Variants in TBC1D22A observed in about 807,000 individuals in gnomAD.
TBC1D22A encodes the protein TBC1 domain family member 22A, also known as putative GTPase activator.
A neutral mutation model predicts 60.2 loss-of-function variants in TBC1D22A; 38 were observed. The ratio of observed to expected loss-of-function variants is 0.63; its 90% CI spans 0.49 to 0.83. TBC1D22A has a LOEUF of 0.83. Among genes scored for constraint, TBC1D22A ranks in the 40% least tolerant of loss-of-function variants. The probability of loss-of-function intolerance (pLI) is 0.00; values close to 1 mark genes in which losing one functional copy is unlikely to be tolerated. For synonymous variants in TBC1D22A, 302 were observed against 281.7 expected (o/e 1.07, Z -0.72); for missense variants, 628 against 701.0 (o/e 0.90, Z 1.18).
chr22:46,934,490 G>A (rs761523733), intron 8 of TBC1D22A, among the ~76,000 whole-genome samples: 1 of 152,210 alleles, frequency 6.6e-6, no homozygotes, highest in Non-Finnish European at 1.5e-5. Context: ...TCAGCAAATT[G>A]CAGCTCCTTT....
At chr22:46,986,274 C>T (rs949090579) in intron 9 of TBC1D22A, among the ~76,000 whole-genome samples, 2 of 152,166 alleles carry the variant, frequency 1.3e-5, no homozygotes, top group South Asian at 4.2e-4. Context: ...TAATCCAGTT[C>T]ACACTGTCTT....
intron 4 of TBC1D22A, among the ~76,000 whole-genome samples, chr22:46,826,917 C>T (rs970975365): frequency 2.6e-5 from 4 of 151,342 alleles, no homozygotes; most frequent in Admixed American, 1.3e-4. Context: ...AATGAATACA[C>T]GAAAACGTAA....
chr22:46,974,674 A>AG (rs1305689475), intron 9 of TBC1D22A, among the ~76,000 whole-genome samples: 1 of 152,184 alleles, frequency 6.6e-6, no homozygotes, highest in Non-Finnish European at 1.5e-5. Flanking sequence ...TGCAGACTGT[A>AG]GCCACCACCA....
intron 11 of TBC1D22A, among the ~76,000 whole-genome samples, chr22:47,101,333 G>A (rs1372354200): frequency 6.6e-6 from 1 of 152,210 alleles, no homozygotes; most frequent in Non-Finnish European, 1.5e-5. Flanking sequence ...CAGAGAAGAA[G>A]CAGGGACAGG....
At chr22:47,132,600 T>C (rs1186503806) in intron 12 of TBC1D22A, among the ~76,000 whole-genome samples, 1 of 152,240 alleles carries the variant, frequency 6.6e-6, no homozygotes, top group Non-Finnish European at 1.5e-5. Flanking sequence ...GCCTGGGTCC[T>C]GCTTCTCCCC....
At chr22:47,019,689 A>C (rs1165984825) in intron 10 of TBC1D22A, among the ~76,000 whole-genome samples, 1 of 151,936 alleles carries the variant, frequency 6.6e-6, no homozygotes, top group Non-Finnish European at 1.5e-5. Context: ...TGTGCAGGGA[A>C]GGACGTGGTT....
chr22:46,829,659 C>G (rs1038960063), intron 4 of TBC1D22A, among the ~76,000 whole-genome samples: 7 of 152,242 alleles, frequency 4.6e-5, no homozygotes, highest in Non-Finnish European at 1.0e-4. Flanking sequence ...GCCTGTTTGC[C>G]CAAGGTAGGG....
chr22:47,088,972 G>C (rs1035427171), intron 11 of TBC1D22A, among the ~76,000 whole-genome samples: 2 of 152,148 alleles, frequency 1.3e-5, no homozygotes, highest in Non-Finnish European at 2.9e-5. Flanking sequence ...AGGGGGAAAC[G>C]GATGGAACTC....
intron 4 of TBC1D22A, among the ~76,000 whole-genome samples, chr22:46,873,243 C>T (rs1350222339): frequency 2.0e-5 from 3 of 152,158 alleles, no homozygotes; most frequent in Non-Finnish European, 4.4e-5. Flanking sequence ...TTTCAACATA[C>T]ACCTCACAAA....
chr22:47,104,530 A>T (rs1327798391), intron 11 of TBC1D22A, among the ~76,000 whole-genome samples: 1 of 151,952 alleles, frequency 6.6e-6, no homozygotes, highest in Non-Finnish European at 1.5e-5. Flanking sequence ...CCCCATCTCT[A>T]CTGAAAATAC....
At chr22:47,034,597 C>T (rs563175171) in intron 10 of TBC1D22A, among the ~76,000 whole-genome samples, 104 of 152,352 alleles carry the variant, frequency 6.8e-4, no homozygotes, top group African/African-American at 2.3e-3. Flanking sequence ...GCCCTGCAAG[C>T]GGGCCCCTGC....
chr22:46,917,817 T>C (rs2070479176), intron 8 of TBC1D22A, among the ~76,000 whole-genome samples: 1 of 152,232 alleles, frequency 6.6e-6, no homozygotes, highest in African/African-American at 2.4e-5. Context: ...GCTGTGACTG[T>C]CTGTGACTCG....
At chr22:46,858,429 T>G (rs1021307918) in intron 4 of TBC1D22A, among the ~76,000 whole-genome samples, 1 of 150,744 alleles carries the variant, frequency 6.6e-6, no homozygotes. Flanking sequence ...CAAGCCGCCC[T>G]GTGCCGGCAG....
At chr22:46,919,614 CTTTCCCACG>C (rs1410177534) in intron 8 of TBC1D22A, among the ~76,000 whole-genome samples, 1 of 152,112 alleles carries the variant, frequency 6.6e-6, no homozygotes, top group East Asian at 1.9e-4. Context: ...TGCCGGACTG[CTTTCCCACG>C]TGGCGGCACC....
In TBC1D22A at chr22:46,789,371, C is replaced by T. The variant is rs113911663; in HGVS notation, c.63-3149C>T. 203 of 456,502 alleles carry T rather than the reference C, an allele frequency of 4.4e-4. 1 individual carries two copies. The highest frequency in any genetic ancestry group is 3.7e-3 in the African/African-American group (184 of 49,348). 28.3% of individuals were successfully genotyped at this position (456,502 alleles called of 1,614,324 possible). On this transcript the variant is annotated intron_variant, in intron 1 of 12. Coordinates refer to ENST00000337137, the MANE Select transcript of TBC1D22A (RefSeq NM_014346.5). ...CGATCTCCTGACCTCGTGATCCGCC[C>T]GCCTCGGCCTCCCGATAAGACTGGG...
intron 10 of TBC1D22A, among the ~76,000 whole-genome samples, chr22:47,023,924 G>A (rs1356184365): frequency 1.3e-5 from 2 of 152,248 alleles, no homozygotes; most frequent in Non-Finnish European, 2.9e-5. Context: ...AAAGTGGCAA[G>A]TCTAGGAATG....
At chr22:46,780,830 G>C (rs1034371303) in intron 1 of TBC1D22A, among the ~76,000 whole-genome samples, 1 of 152,258 alleles carries the variant, frequency 6.6e-6, no homozygotes, top group African/African-American at 2.4e-5. Flanking sequence ...AGAAGCTGAA[G>C]ACATCTGTGT....
At chr22:46,951,939 T>A (rs955323949) in intron 8 of TBC1D22A, among the ~76,000 whole-genome samples, 21 of 152,300 alleles carry the variant, frequency 1.4e-4, no homozygotes, top group African/African-American at 4.8e-4. Flanking sequence ...GAAATCCCAT[T>A]TAGCTTATTG....
intron 12 of TBC1D22A, chr22:47,116,163 G>A (rs1031209324): frequency 3.3e-5 from 5 of 152,378 alleles, no homozygotes; most frequent in African/African-American, 7.2e-5. Context: ...ACGCGGGATC[G>A]ATTGTGCTCT....
Sources: allele counts gnomAD v4.1 joint callset (sites outside exome capture counted in the v4.1 genomes callset), GRCh38; gene constraint gnomAD v4.1.1; transcripts MANE v1.5; gene names NCBI Gene and HGNC (gene_info 2026-07-23, HGNC 2026-07-21).